Variants in DCDC2 observed in about 807,000 individuals in gnomAD.
DCDC2 encodes the protein doublecortin domain containing 2, also known as doublecortin domain-containing protein 2.
In DCDC2, 40 loss-of-function variants were observed where a neutral mutation model predicts 50.2. The observed-to-expected ratio is 0.80, with a 90% confidence interval of 0.62 to 1.04. DCDC2 has a LOEUF of 1.04. Among genes scored for constraint, DCDC2 ranks in the 50% least tolerant of loss-of-function variants. The pLI, the probability that DCDC2 is intolerant of heterozygous loss-of-function variation, is 0.00. For synonymous variants in DCDC2, 234 were observed against 210.6 expected, an observed-to-expected ratio of 1.11 and a Z score of -0.96; for missense variants, 570 against 581.9, an observed-to-expected ratio of 0.98 and a Z score of 0.21.
chr6:24,355,931 T>C (rs1478644872), intron 1 of DCDC2, among the ~76,000 whole-genome samples: 2 of 152,232 alleles, frequency 1.3e-5, no homozygotes, highest in Non-Finnish European at 2.9e-5. Flanking sequence ...AATCCAATAA[T>C]GCTTATGAAT....
At chr6:24,243,532 A>G (rs1762607373) in intron 7 of DCDC2, among the ~76,000 whole-genome samples, 1 of 152,142 alleles carries the variant, frequency 6.6e-6, no homozygotes, top group Non-Finnish European at 1.5e-5. Flanking sequence ...CTGCCATCTT[A>G]TGAGTGTTAG....
chr6:24,215,046 A>G (rs1274849704), intron 7 of DCDC2, among the ~76,000 whole-genome samples: 1 of 152,216 alleles, frequency 6.6e-6, no homozygotes, highest in Non-Finnish European at 1.5e-5. Context: ...GGAAAAATCA[A>G]CTGCACAGAA....
intron 7 of DCDC2, among the ~76,000 whole-genome samples, chr6:24,216,064 A>C (rs1761968994): frequency 6.6e-6 from 1 of 152,102 alleles, no homozygotes; most frequent in Non-Finnish European, 1.5e-5. Context: ...TCTGATTTTG[A>C]TATATTGGTT....
At chr6:24,257,789 T>C (rs972099101) in intron 7 of DCDC2, among the ~76,000 whole-genome samples, 1 of 151,818 alleles carries the variant, frequency 6.6e-6, no homozygotes, top group Non-Finnish European at 1.5e-5. Context: ...AGAGCTGTGA[T>C]GTACAGATAG....
chr6:24,214,612 C>G (rs926463869), intron 7 of DCDC2, among the ~76,000 whole-genome samples: 1 of 152,144 alleles, frequency 6.6e-6, no homozygotes, highest in Non-Finnish European at 1.5e-5. Flanking sequence ...GTATATATAG[C>G]TTTAATTCTT....
At chr6:24,315,996 T>G (rs1349999471) in intron 2 of DCDC2, among the ~76,000 whole-genome samples, 1 of 152,194 alleles carries the variant, frequency 6.6e-6, no homozygotes, top group East Asian at 1.9e-4. Context: ...AAGCTGGAAC[T>G]TGCTGAAAGA....
intron 7 of DCDC2, among the ~76,000 whole-genome samples, chr6:24,270,446 T>C (rs550193356): frequency 2.6e-5 from 4 of 152,266 alleles, no homozygotes; most frequent in South Asian, 4.1e-4. Flanking sequence ...GTCACCATAA[T>C]ATAGGTATAA....
At chr6:24,232,843 A>T (rs2113784521) in intron 7 of DCDC2, among the ~76,000 whole-genome samples, 1 of 152,290 alleles carries the variant, frequency 6.6e-6, no homozygotes, top group Middle Eastern at 3.4e-3. Flanking sequence ...GAAAAAAAAA[A>T]AATACTTGTT....
intron 2 of DCDC2, among the ~76,000 whole-genome samples, chr6:24,345,244 A>C (rs529684575): frequency 6.6e-6 from 1 of 152,300 alleles, no homozygotes; most frequent in South Asian, 2.1e-4. Context: ...AATATCTAGA[A>C]TCCATTTAAT....
intron 7 of DCDC2, among the ~76,000 whole-genome samples, chr6:24,232,000 T>TAC (rs918995615): frequency 6.3e-5 from 4 of 63,362 alleles, no homozygotes; most frequent in African/African-American, 1.2e-4. Context: ...ATTTCATATA[T>TAC]ATATACACAC....
the DCDC2 span, among the ~76,000 whole-genome samples, chr6:24,374,854 C>T: frequency 6.6e-6 from 1 of 152,146 alleles, no homozygotes; most frequent in Non-Finnish European, 1.5e-5. Context: ...ACACACAGAT[C>T]GCTCAGCCCC....
chr6:24,276,414 C>CA (rs56396342), intron 7 of DCDC2, among the ~76,000 whole-genome samples: 23,512 of 145,860 alleles, frequency 0.16, 1,961 homozygotes, highest in African/African-American at 0.24. Context: ...AGGCTTTTAA[C>CA]AAAAAAAAAA....
intron 7 of DCDC2, among the ~76,000 whole-genome samples, chr6:24,216,804 G>C (rs893520330): frequency 6.6e-6 from 1 of 152,230 alleles, no homozygotes; most frequent in Non-Finnish European, 1.5e-5. Context: ...AACCGATAGA[G>C]ATCATCTTCA....
chr6:24,272,286 G>C (rs1486380038), intron 7 of DCDC2, among the ~76,000 whole-genome samples: 1 of 152,138 alleles, frequency 6.6e-6, no homozygotes, highest in African/African-American at 2.4e-5. Flanking sequence ...CGCTGTACTA[G>C]AAATTTGTGG....
At chr6:24,232,023 AC>A (rs1287805258) in intron 7 of DCDC2, among the ~76,000 whole-genome samples, 1 of 136,100 alleles carries the variant, frequency 7.3e-6, no homozygotes, top group African/African-American at 2.9e-5. Flanking sequence ...ACACACACAC[AC>A]ACACATACAC....
chr6:24,329,763 G>T (rs1017077134), intron 2 of DCDC2, among the ~76,000 whole-genome samples: 1 of 152,114 alleles, frequency 6.6e-6, no homozygotes, highest in Non-Finnish European at 1.5e-5. Flanking sequence ...TCTTTCCTGC[G>T]CTATCTTCTA....
At chr6:24,228,664 C>T (rs1274921105) in intron 7 of DCDC2, among the ~76,000 whole-genome samples, 1 of 152,230 alleles carries the variant, frequency 6.6e-6, no homozygotes, top group Non-Finnish European at 1.5e-5. Flanking sequence ...GACTTTTAAA[C>T]ATCTGCTAAT....
intron 2 of DCDC2, among the ~76,000 whole-genome samples, chr6:24,346,803 T>C (rs1372064491): frequency 6.6e-6 from 1 of 151,074 alleles, no homozygotes; most frequent in Non-Finnish European, 1.5e-5. Context: ...GGGTGAGGTA[T>C]TCTTGTGGAC....
Position 24,278,159 on chromosome 6 carries a change from G to A in DCDC2, c.812C>T (p.Pro271Leu). 6.2e-7 allele frequency: 1 copy of A among 1,613,722 alleles called. No individual in the cohort carries two copies. The highest frequency in any genetic ancestry group is 8.5e-7 in the Non-Finnish European group (1 of 1,179,802). The part of the protein sequence containing the change: ...STVGSSDNSS[P>L]QPLKRKGKKE... ...TTTCCCTTTCCTCTTCAGGGGCTGA[G>A]GAGATGAGTTGTCACTGGATCCAAC... The change falls in exon 7 of 10, where the codon CCT becomes CTT. Residue 271 changes from proline to leucine, a missense_variant. Transcript: ENST00000378454.
Sources: allele counts gnomAD v4.1 joint callset (sites outside exome capture counted in the v4.1 genomes callset), GRCh38; gene constraint gnomAD v4.1.1; transcripts MANE v1.5; gene names NCBI Gene and HGNC (gene_info 2026-07-23, HGNC 2026-07-21).